DPP10: variants seen among roughly 807,000 people sequenced by gnomAD.
DPP10 encodes the protein inactive dipeptidyl peptidase 10.
A neutral mutation model predicts 120.9 loss-of-function variants in DPP10; 33 were observed. The ratio of observed to expected loss-of-function variants is 0.27; its 90% confidence interval spans 0.21 to 0.37. The LOEUF (loss-of-function observed/expected upper bound fraction) is 0.37, where lower values mean the gene tolerates loss of function less well. Among genes scored for constraint, DPP10 ranks in the 10% least tolerant of loss-of-function variants. DPP10 has a pLI of 1.00. For missense variants in DPP10, 816 were observed against 942.8 expected (o/e 0.87, Z 1.76); for synonymous variants, 337 against 326.1 (o/e 1.03, Z -0.36).
chr2:115,694,987 G>T (rs923095263), intron 7 of DPP10, among the ~76,000 whole-genome samples: 1 of 152,168 alleles, frequency 6.6e-6, no homozygotes, highest in East Asian at 1.9e-4. Flanking sequence ...GAGGAAGGCA[G>T]CTATTGTTTC....
intron 1 of DPP10, among the ~76,000 whole-genome samples, chr2:114,862,592 G>C (rs1391381070): frequency 6.6e-6 from 1 of 152,124 alleles, no homozygotes; most frequent in African/African-American, 2.4e-5. Flanking sequence ...ATGAGGAGCA[G>C]ACAGAAAAGT....
Position 115,175,491 on chromosome 2 carries a change from C to T in DPP10, c.61-133748C>T, listed in dbSNP as rs908563845. Among the ~76,000 whole-genome samples the T allele has an allele frequency of 1.8e-4, 28 of 152,288 alleles. 1 individual carries two copies. Among genetic ancestry groups the T allele is most frequent in the Admixed American group, 8.5e-4 (13 of 15,300 alleles). On this transcript the variant is annotated intron_variant, in intron 1 of 25. Coordinates refer to ENST00000410059, the MANE Select transcript of DPP10 (RefSeq NM_020868.6). The stretch of plus-strand genomic sequence containing the variant: ...CACTTGCACATGGGGCAAGCTACTT[C>T]CCTTCCCTTGCCCTTTCCTACCAGT...
At chr2:115,603,152 G>GTGTGTGTGTA (rs2083448099) in intron 5 of DPP10, among the ~76,000 whole-genome samples, 7 of 150,458 alleles carry the variant, frequency 4.7e-5, no homozygotes, top group Non-Finnish European at 8.9e-5. Flanking sequence ...GTGTGTGTGT[G>GTGTGTGTGTA]TGTGTGTGTG....
Position 114,480,523 on chromosome 2 carries a change from G to C in DPP10, c.60+37685G>C, listed in dbSNP as rs547832093. ...CACATACACCATGGAATACTATGCA[G>C]CCATAAAAAAAGGATGAGTTCATGT... On this transcript the variant is annotated intron_variant, in intron 1 of 25. Coordinates refer to ENST00000410059, the MANE Select transcript of DPP10 (RefSeq NM_020868.6). Among the ~76,000 whole-genome samples, 4 of 151,980 alleles carry C rather than the reference G, an allele frequency of 2.6e-5. No homozygotes were observed. In the South Asian group the frequency reaches 8.3e-4, roughly 31 times the overall value.
chr2:114,506,807 C>T (rs143111668), intron 1 of DPP10, among the ~76,000 whole-genome samples: 251 of 152,310 alleles, frequency 1.6e-3, no homozygotes, highest in African/African-American at 5.7e-3. Flanking sequence ...TATCATGCTT[C>T]ACAAAGACAG....
At chr2:114,793,510 A>G (rs867849962) in intron 1 of DPP10, among the ~76,000 whole-genome samples, 1 of 152,104 alleles carries the variant, frequency 6.6e-6, no homozygotes, top group African/African-American at 2.4e-5. Flanking sequence ...TAAAATGTTC[A>G]CCTAAAAAAC....
intron 1 of DPP10, among the ~76,000 whole-genome samples, chr2:115,100,320 A>G (rs533326588): frequency 6.6e-6 from 1 of 152,236 alleles, no homozygotes; most frequent in Non-Finnish European, 1.5e-5. Flanking sequence ...ATGGTGGCAC[A>G]TGCCTGTAGT....
At chr2:114,926,260 G>A (rs1223996813) in intron 1 of DPP10, among the ~76,000 whole-genome samples, 4 of 152,110 alleles carry the variant, frequency 2.6e-5, no homozygotes, top group South Asian at 2.1e-4. Flanking sequence ...GTTATTGATG[G>A]TGGCATATGA....
At chr2:114,567,833 G>A (rs535433288) in intron 1 of DPP10, among the ~76,000 whole-genome samples, 97 of 152,114 alleles carry the variant, frequency 6.4e-4, no homozygotes, top group African/African-American at 1.7e-3. Context: ...ACACAGGAAC[G>A]GGAACAACAC....
chr2:115,097,786 T>C lies in DPP10; in HGVS notation c.61-211453T>C, dbSNP rs542339226. 2.0e-5 allele frequency among the ~76,000 whole-genome samples: 3 copies of C among 152,292 alleles called. No individual in the cohort carries two copies. The East Asian group carries it at 5.8e-4, about 29-fold the overall frequency. Reference sequence around the variant, plus strand: ...TTATTCTGCCACCTAGAACAGTTTTTTGAATAGTCCTTGTTATGTCTGAAT... The same window carrying C: ...TTATTCTGCCACCTAGAACAGTTTTCTGAATAGTCCTTGTTATGTCTGAAT... On this transcript the variant is annotated intron_variant, in intron 1 of 25. Coordinates refer to ENST00000410059, the MANE Select transcript of DPP10 (RefSeq NM_020868.6).
chr2:114,459,275 A>G (rs1678742670), intron 1 of DPP10, among the ~76,000 whole-genome samples: 2 of 152,214 alleles, frequency 1.3e-5, no homozygotes, highest in South Asian at 4.1e-4. Flanking sequence ...GTACTACTAG[A>G]AGATGTAACC....
At chr2:115,692,056 T>C (rs898314374) in intron 7 of DPP10, among the ~76,000 whole-genome samples, 7 of 152,232 alleles carry the variant, frequency 4.6e-5, no homozygotes, top group African/African-American at 1.4e-4. Flanking sequence ...GACATTTTTC[T>C]TTTCCATTTC....
chr2:115,392,418 T>C (rs2106547443), intron 3 of DPP10, among the ~76,000 whole-genome samples: 1 of 152,334 alleles, frequency 6.6e-6, no homozygotes, highest in South Asian at 2.1e-4. Flanking sequence ...ATTGTTGAAC[T>C]GCATTTTAGA....
intron 1 of DPP10, among the ~76,000 whole-genome samples, chr2:114,759,725 T>G (rs2106093275): frequency 6.8e-6 from 1 of 148,094 alleles, no homozygotes; most frequent in Non-Finnish European, 1.5e-5. Flanking sequence ...AGGAATAAAT[T>G]GAGATCAAGA....
chr2:115,023,107 G>A (rs751324487), intron 1 of DPP10, among the ~76,000 whole-genome samples: 1 of 151,890 alleles, frequency 6.6e-6, no homozygotes, highest in Non-Finnish European at 1.5e-5. Context: ...CTTCATGACC[G>A]GGAACTCAAA....
intron 1 of DPP10, among the ~76,000 whole-genome samples, chr2:114,762,628 C>T (rs1435868): frequency 0.44 from 66,921 of 151,962 alleles, 15,060 homozygotes; most frequent in South Asian, 0.5. Flanking sequence ...CTATGAGTTT[C>T]CCTCCTAACA....
intron 1 of DPP10, among the ~76,000 whole-genome samples, chr2:114,914,382 T>C (rs1490339645): frequency 6.6e-6 from 1 of 152,200 alleles, no homozygotes; most frequent in Non-Finnish European, 1.5e-5. Flanking sequence ...CTTTAGAAAC[T>C]AGAAGAGTAA....
chr2:114,964,610 A>G (rs754154340), intron 1 of DPP10, among the ~76,000 whole-genome samples: 1 of 152,110 alleles, frequency 6.6e-6, no homozygotes, highest in Non-Finnish European at 1.5e-5. Context: ...CGCAAAGGCC[A>G]TGAGGTGGAA....
chr2:114,670,105 G>A (rs1048750764), intron 1 of DPP10, among the ~76,000 whole-genome samples: 62 of 152,224 alleles, frequency 4.1e-4, no homozygotes, highest in East Asian at 1.9e-3. Context: ...TGTGGAAGTC[G>A]GTGTGGAGAT....
Sources: allele counts gnomAD v4.1 joint callset (sites outside exome capture counted in the v4.1 genomes callset), GRCh38; gene constraint gnomAD v4.1.1; transcripts MANE v1.5; gene names NCBI Gene and HGNC (gene_info 2026-07-23, HGNC 2026-07-21).